SCFD2: variants seen among roughly 807,000 people sequenced by gnomAD.
The protein encoded by SCFD2 is sec1 family domain containing 2, also known as sec1 family domain-containing protein 2.
A neutral mutation model predicts 58.9 loss-of-function variants in SCFD2; 54 were observed. That is an observed-to-expected ratio of 0.92 (90% CI 0.74 to 1.15). The LOEUF (loss-of-function observed/expected upper bound fraction) is 1.15. SCFD2 is among the 50% of genes most tolerant of loss of function. The pLI, the probability that SCFD2 is intolerant of heterozygous loss-of-function variation, is 0.00. For synonymous variants in SCFD2, 321 were observed against 335.9 expected (o/e 0.96, Z 0.49); for missense variants, 805 against 836.6 (o/e 0.96, Z 0.47).
At chr4:53,216,106 T>C (rs1253873489) in intron 4 of SCFD2, among the ~76,000 whole-genome samples, 3 of 152,184 alleles carry the variant, frequency 2.0e-5, no homozygotes, top group Admixed American at 1.3e-4. Context: ...TCTAAAATTC[T>C]CTTTTTTTGT....
At chr4:52,977,703 AT>A (rs1173921763) in intron 5 of SCFD2, among the ~76,000 whole-genome samples, 1 of 152,210 alleles carries the variant, frequency 6.6e-6, no homozygotes, top group Non-Finnish European at 1.5e-5. Context: ...TATCAGGAAT[AT>A]GAACATATAA....
Position 52,920,815 on chromosome 4 carries a change from T to G in SCFD2, c.1617A>C (p.Glu539Asp), listed in dbSNP as rs1384450950. The G allele has an allele frequency of 6.2e-7, 1 of 1,611,032 alleles. No homozygotes were observed. Among genetic ancestry groups the G allele is most frequent in the Non-Finnish European group, 8.5e-7 (1 of 1,177,766 alleles). ...TFHKSKIAVDELFTSLRDIAG... is the reference protein window; with the variant it reads ...TFHKSKIAVDDLFTSLRDIAG... ...CAATATCCCGAAGTGAAGTAAAGAGTTCATCCACGGCAATTTTGGATTTGT... is the reference window on the plus strand; with the variant it reads ...CAATATCCCGAAGTGAAGTAAAGAGGTCATCCACGGCAATTTTGGATTTGT... Residue 539 changes from glutamate to aspartate, a missense_variant, in exon 6 of 9, where the codon GAA becomes GAC. Physicochemically the swap from Glu to Asp is conservative, Grantham distance 45 (BLOSUM62 2). Transcript: ENST00000401642.
At chr4:53,177,429 GTTTA>G (rs1411153150) in intron 4 of SCFD2, among the ~76,000 whole-genome samples, 3 of 35,778 alleles carry the variant, frequency 8.4e-5, no homozygotes, top group Non-Finnish European at 1.8e-4. Context: ...GGGTATTAAG[GTTTA>G]TTTATTTGTT....
intron 5 of SCFD2, among the ~76,000 whole-genome samples, chr4:53,115,606 T>C (rs1725297110): frequency 6.6e-6 from 1 of 152,212 alleles, no homozygotes; most frequent in Admixed American, 6.6e-5. Flanking sequence ...TGGGTGATAC[T>C]GTGGAAGAAA....
chr4:52,874,810 A>G (rs1385940345), intron 8 of SCFD2, among the ~76,000 whole-genome samples: 2 of 152,194 alleles, frequency 1.3e-5, no homozygotes, highest in South Asian at 4.1e-4. Flanking sequence ...TAACTTGATC[A>G]TCTGCAAAGA....
chr4:53,213,649 A>G (rs1728698489), intron 4 of SCFD2, among the ~76,000 whole-genome samples: 1 of 152,050 alleles, frequency 6.6e-6, no homozygotes, highest in Non-Finnish European at 1.5e-5. Flanking sequence ...ATAATGCCAT[A>G]CGGTTCTTTC....
intron 4 of SCFD2, among the ~76,000 whole-genome samples, chr4:53,169,142 G>A (rs1188818506): frequency 6.6e-6 from 1 of 152,200 alleles, no homozygotes; most frequent in Non-Finnish European, 1.5e-5. Flanking sequence ...TTGGGAGGCT[G>A]AGGCGGGCAG....
chr4:52,972,629 A>T (rs1721135765), intron 5 of SCFD2, among the ~76,000 whole-genome samples: 1 of 152,176 alleles, frequency 6.6e-6, no homozygotes, highest in South Asian at 2.1e-4. Flanking sequence ...ATTAACAAGG[A>T]TATCCAAGAA....
chr4:53,101,604 A>C (rs1454485636), intron 5 of SCFD2, among the ~76,000 whole-genome samples: 1 of 152,208 alleles, frequency 6.6e-6, no homozygotes, highest in Non-Finnish European at 1.5e-5. Flanking sequence ...TGGGTGACTT[A>C]AAAGATATAA....
At chr4:53,121,676 G>A (rs1277651018) in intron 5 of SCFD2, among the ~76,000 whole-genome samples, 2 of 152,152 alleles carry the variant, frequency 1.3e-5, no homozygotes, top group Non-Finnish European at 2.9e-5. Context: ...TAACAGACCT[G>A]GTCGCAATCA....
chr4:53,297,239 G>A (rs1414534523), intron 3 of SCFD2, among the ~76,000 whole-genome samples: 4 of 152,156 alleles, frequency 2.6e-5, no homozygotes, highest in African/African-American at 4.8e-5. Context: ...AAAGCAGCAT[G>A]TTAAAGTCTC....
chr4:52,908,377 G>A (rs577009415), intron 6 of SCFD2, among the ~76,000 whole-genome samples: 19 of 152,196 alleles, frequency 1.2e-4, no homozygotes, highest in African/African-American at 2.6e-4. Flanking sequence ...AGTTCTTCCC[G>A]TTTTCTTTTC....
intron 5 of SCFD2, among the ~76,000 whole-genome samples, chr4:53,009,060 T>C (rs1722040810): frequency 6.6e-6 from 1 of 152,182 alleles, no homozygotes; most frequent in Admixed American, 6.5e-5. Context: ...CAGCCACACC[T>C]CCCAACTACC....
In SCFD2 at chr4:53,187,266, A is replaced by G. The variant is rs372767047; in HGVS notation, c.1312-41684T>C. Among the ~76,000 whole-genome samples the G allele has an allele frequency of 1.1e-4, 17 of 152,240 alleles. No homozygotes were observed. In the East Asian group the frequency reaches 2.3e-3, roughly 21 times the overall value. The stretch of plus-strand genomic sequence containing the variant: ...AATTTTTCTTCTTATTAAATCAGCA[A>G]TATTGACAATGCTGTGAAGCAATGG... On this transcript the variant is annotated intron_variant, in intron 4 of 8. Coordinates refer to ENST00000401642, the MANE Select transcript of SCFD2 (RefSeq NM_152540.4).
chr4:53,242,730 C>T (rs1729938915), intron 4 of SCFD2, among the ~76,000 whole-genome samples: 1 of 152,090 alleles, frequency 6.6e-6, no homozygotes, highest in Non-Finnish European at 1.5e-5. Context: ...AGCTTAGAAT[C>T]ACAATAAAAT....
At chr4:53,159,402 C>T (rs1195097719) in intron 4 of SCFD2, among the ~76,000 whole-genome samples, 4 of 152,104 alleles carry the variant, frequency 2.6e-5, no homozygotes, top group Non-Finnish European at 5.9e-5. Context: ...ATTTTCGTCT[C>T]CAGGGCTTCC....
chr4:53,343,311 A>C (rs899075062), intron 2 of SCFD2, among the ~76,000 whole-genome samples: 1 of 152,208 alleles, frequency 6.6e-6, no homozygotes, highest in Non-Finnish European at 1.5e-5. Context: ...ACCATCAGAG[A>C]ATACTATAAA....
chr4:53,305,711 T>G (rs1732493364), intron 3 of SCFD2, among the ~76,000 whole-genome samples: 1 of 152,192 alleles, frequency 6.6e-6, no homozygotes. Flanking sequence ...CACGTTGTTT[T>G]GTATCTATCC....
At chr4:53,070,412 T>C (rs1279748924) in intron 5 of SCFD2, among the ~76,000 whole-genome samples, 1 of 152,050 alleles carries the variant, frequency 6.6e-6, no homozygotes, top group Non-Finnish European at 1.5e-5. Flanking sequence ...AAATTAATTA[T>C]GAAAAGCGAA....
Sources: gnomAD v4.1 joint callset for allele counts (sites outside exome capture counted in the v4.1 genomes callset) on GRCh38, gnomAD v4.1.1 for gene constraint, MANE v1.5 for transcripts, NCBI Gene and HGNC (gene_info 2026-07-23, HGNC 2026-07-21) for gene names.